The following FAM186A variants were observed in gnomAD, a reference collection of about 807,000 sequenced individuals.
FAM186A encodes protein FAM186A.
A neutral mutation model predicts 216.8 loss-of-function variants in FAM186A; 163 were observed. The ratio of observed to expected loss-of-function variants is 0.75; its 90% CI spans 0.66 to 0.86. The LOEUF is 0.86. Ranked by LOEUF, FAM186A falls within the 40% of genes least tolerant of loss-of-function variation. FAM186A has a pLI of 0.00. For synonymous variants in FAM186A, 805 were observed against 1,025.3 expected, an observed-to-expected ratio of 0.79 and a Z score of 4.10; for missense variants, 2,184 against 2,746.2, an observed-to-expected ratio of 0.80 and a Z score of 4.58.
intron 1 of FAM186A, among the ~76,000 whole-genome samples, chr12:50,394,531 C>G (rs1248900366): frequency 6.6e-6 from 1 of 151,524 alleles, no homozygotes; most frequent in Non-Finnish European, 1.5e-5. Context: ...TCAGCCTGAA[C>G]AATAGCATGA....
intron 1 of FAM186A, among the ~76,000 whole-genome samples, chr12:50,385,145 C>T (rs564125686): frequency 6.8e-6 from 1 of 147,670 alleles, no homozygotes; most frequent in Admixed American, 6.8e-5. Context: ...TATGGCCTGG[C>T]GTGGTGGCTC....
intron 4 of FAM186A, among the ~76,000 whole-genome samples, chr12:50,342,658 A>G (rs953312447): frequency 1.1e-4 from 16 of 151,576 alleles, no homozygotes; most frequent in African/African-American, 3.6e-4. Context: ...TTGTATTTTT[A>G]GTAGAGACAG....
In FAM186A at chr12:50,366,475, C is replaced by T. The variant is rs368585441; in HGVS notation, c.193-3111G>A. ...CAAACATGCCTGATGAATATTGATA[C>T]AGAAAACCTTAGCAAAATACTAGTG... On this transcript the variant is annotated intron_variant, in intron 1 of 7. Transcript: ENST00000327337. Among the ~76,000 whole-genome samples the T allele has an allele frequency of 3.3e-5, 5 of 152,058 alleles. No individual in the cohort carries two copies. In the East Asian group the frequency reaches 7.7e-4, roughly 23 times the overall value.
At chr12:50,343,127 A>G (rs1468059988) in intron 4 of FAM186A, among the ~76,000 whole-genome samples, 3 of 151,916 alleles carry the variant, frequency 2.0e-5, no homozygotes, top group Admixed American at 1.3e-4. Flanking sequence ...AAGTGGGAGG[A>G]TATTTTAAAC....
chr12:50,354,406 G>A lies in FAM186A; in HGVS notation c.2426C>T (p.Ser809Leu), dbSNP rs749742129. 17 of 1,551,306 alleles carry A rather than the reference G, an allele frequency of 1.1e-5. No individual in the cohort carries two copies. In the African/African-American group the frequency reaches 2.2e-4, roughly 20 times the overall value. Residue 809 changes from serine (S) to leucine (L), a missense_variant, in exon 4 of 8, where the codon TCA becomes TTA. This residue lies in a region of FAM186A where 1,132 missense variants were observed against 1,263.4 expected (regional missense o/e 0.90). Transcript: ENST00000327337. ...CTCCTTGTGGTCTTTCTGTACTGTT[G>A]AGACTGTTGGAATATCTCTTTCACT... ...IESERDIPTVSTVQKDHKEKE... is the reference protein window; with the variant it reads ...IESERDIPTVLTVQKDHKEKE...
intron 1 of FAM186A, among the ~76,000 whole-genome samples, chr12:50,369,803 A>G (rs1943124487): frequency 6.6e-6 from 1 of 152,006 alleles, no homozygotes; most frequent in African/African-American, 2.4e-5. Context: ...AGCCTGGCCA[A>G]CACTGTGAAA....
rs1425633691 is a variant in FAM186A at position 50,350,510 on chromosome 12, CA to C, written c.6321del (p.Asp2108MetfsTer9). 1 of 1,551,600 alleles carries C rather than the reference CA, an allele frequency of 6.4e-7. No individual in the cohort carries two copies. The highest frequency in any genetic ancestry group is 8.7e-7 in the Non-Finnish European group (1 of 1,146,990). On this transcript the variant is annotated frameshift_variant, in exon 4 of 8. Coordinates refer to ENST00000327337, the MANE Select transcript of FAM186A (RefSeq NM_001145475.3). LOFTEE classifies it high-confidence loss of function. ...AGGTTCTTCTTCTGAGCCTCCACAT[CA>C]ACAAAATACCTCTTTTCTTCAAGTT... Reference protein sequence around the residue: ...PQELEEKRYFVDVEAQKKNLI... With the variant: ...PQELEEKRYFXDVEAQKKNLI...
chr12:50,396,232 C>A, intron 1 of FAM186A, 61 bp downstream of exon 1: 2 of 1,399,762 alleles, frequency 1.4e-6, no homozygotes, highest in Middle Eastern at 1.9e-4. Flanking sequence ...CAAAAATGTA[C>A]TTGGTCACAG....
rs1242705470 is a variant in FAM186A, at chr12:50,342,314, AC to A, written c.6503+8014del. 1.4e-4 allele frequency among the ~76,000 whole-genome samples: 22 copies of A among 151,766 alleles called. No individual in the cohort carries two copies. The East Asian group carries it at 3.7e-3, about 25-fold the overall frequency. ...AAGTGAGACTCTTGTCTTAAAAAAA[AC>A]AAAAACAAAAACAAAACAAAACAAA... On this transcript the variant is annotated intron_variant, in intron 4 of 7. Coordinates refer to ENST00000327337, the MANE Select transcript of FAM186A (RefSeq NM_001145475.3).
rs189990959 is a variant in FAM186A at position 50,352,529 on chromosome 12, G to A, written c.4303C>T (p.Leu1435Phe). 6.6e-4 allele frequency: 982 copies of A among 1,495,250 alleles called. 10 individuals carry two copies. Among genetic ancestry groups the A allele is most frequent in the Non-Finnish European group, 2.0e-4 (222 of 1,114,646 alleles). The allele number at this position is 1,495,250 out of a possible 1,614,324, so 92.6% of individuals were successfully genotyped here. A position where few individuals can be genotyped will look rare whatever the true frequency, so the allele number is the denominator to read the frequency against. The change falls in exon 4 of 8, where the codon CTC becomes TTC. Residue 1435 changes from leucine to phenylalanine, a missense_variant. Transcript: ENST00000327337. ...PQQAQAQEIT[L>F]TPQQAQALGM... ...AGGGCCTGGGCCTGCTGAGGGGTGAGAGTGATCTCCTGAGCCTGTGCCTGC... is the reference window on the plus strand; with the variant it reads ...AGGGCCTGGGCCTGCTGAGGGGTGAAAGTGATCTCCTGAGCCTGTGCCTGC...
At chr12:50,369,530 T>G (rs1344344630) in intron 1 of FAM186A, among the ~76,000 whole-genome samples, 1 of 149,012 alleles carries the variant, frequency 6.7e-6, no homozygotes, top group African/African-American at 2.5e-5. Context: ...ATGGACTATA[T>G]CAAAGTTAAA....
intron 1 of FAM186A, among the ~76,000 whole-genome samples, chr12:50,392,230 C>T (rs984969874): frequency 1.3e-5 from 2 of 151,930 alleles, no homozygotes; most frequent in African/African-American, 4.8e-5. Context: ...ATCATTATGT[C>T]GATGTGGTGA....
rs185836840 is a variant in FAM186A, at chr12:50,370,163, G to T, written c.193-6799C>A. On this transcript the variant is annotated intron_variant, in intron 1 of 7. Coordinates refer to ENST00000327337, the MANE Select transcript of FAM186A (RefSeq NM_001145475.3). ...AAAAAAAAAAGCAAAACTTAGCCAG[G>T]CATGGTGGCACACTCCTGTAATCCC... Among the ~76,000 whole-genome samples, 750 of 141,854 alleles carry T rather than the reference G, an allele frequency of 5.3e-3. 6 individuals are homozygous for T. Among genetic ancestry groups the T allele is most frequent in the African/African-American group, 0.02 (733 of 37,458 alleles). 93.1% of individuals were successfully genotyped at this position (141,854 alleles called of 152,430 possible).
chr12:50,328,953 T>C (rs1212764962), intron 7 of FAM186A, among the ~76,000 whole-genome samples: 1 of 151,862 alleles, frequency 6.6e-6, no homozygotes, highest in African/African-American at 2.4e-5. Context: ...TCATCTCTAC[T>C]AAAAATACAA....
intron 1 of FAM186A, among the ~76,000 whole-genome samples, chr12:50,369,482 G>A (rs1345779589): frequency 8.9e-6 from 1 of 112,396 alleles, no homozygotes; most frequent in Admixed American, 1.1e-4. Context: ...GGGCGACAGA[G>A]TGAGACTCCG....
chr12:50,358,606 A>C (rs969901247), intron 3 of FAM186A, among the ~76,000 whole-genome samples: 1 of 151,612 alleles, frequency 6.6e-6, no homozygotes, highest in African/African-American at 2.4e-5. Flanking sequence ...CAAAACAAAA[A>C]CCTATATCCA....
chr12:50,387,226 T>A (rs1943312750), intron 1 of FAM186A, among the ~76,000 whole-genome samples: 1 of 152,174 alleles, frequency 6.6e-6, no homozygotes, highest in Non-Finnish European at 1.5e-5. Context: ...TTCTGACCAA[T>A]CAATTTCAAT....
At chr12:50,375,391 T>C (rs1359100237) in intron 1 of FAM186A, among the ~76,000 whole-genome samples, 1 of 151,052 alleles carries the variant, frequency 6.6e-6, no homozygotes, top group Non-Finnish European at 1.5e-5. Flanking sequence ...CGACTAAAAA[T>C]ACAAAAAATT....
At chr12:50,339,549 A>C (rs1942742109) in intron 4 of FAM186A, among the ~76,000 whole-genome samples, 2 of 152,154 alleles carry the variant, frequency 1.3e-5, no homozygotes, top group African/African-American at 4.8e-5. Context: ...TCTGTCTTCC[A>C]CATTACTGGC....
Sources: allele counts gnomAD v4.1 joint callset (sites outside exome capture counted in the v4.1 genomes callset), GRCh38; gene constraint gnomAD v4.1.1; regional missense constraint gnomAD v4.1.1; transcripts MANE v1.5; gene names NCBI Gene and HGNC (gene_info 2026-07-23, HGNC 2026-07-21).